The following ANO6 variants were observed in gnomAD, a reference collection of about 807,000 sequenced individuals.
ANO6 encodes anoctamin 6.
A neutral mutation model predicts 117.5 loss-of-function variants in ANO6; 106 were observed. The ratio of observed to expected loss-of-function variants is 0.90; its 90% CI spans 0.77 to 1.06. The LOEUF (loss-of-function observed/expected upper bound fraction) is 1.06. Among genes scored for constraint, ANO6 ranks in the 50% least tolerant of loss-of-function variants. The pLI is 0.00. For synonymous variants in ANO6, 367 were observed against 385.1 expected (o/e 0.95, Z 0.55); for missense variants, 955 against 1,121.1 (o/e 0.85, Z 2.12).
chr12:45,394,053 A>G (rs1399073107), intron 12 of ANO6, among the ~76,000 whole-genome samples: 4 of 152,234 alleles, frequency 2.6e-5, no homozygotes, highest in Non-Finnish European at 5.9e-5. Flanking sequence ...AGACTGGCAG[A>G]TTGGATAAAG....
At chr12:45,426,574 A>C (rs1311124450) in intron 19 of ANO6, among the ~76,000 whole-genome samples, 3 of 151,670 alleles carry the variant, frequency 2.0e-5, no homozygotes, top group Admixed American at 6.6e-5. Context: ...CCCTCCCCTC[A>C]CCTGACTTAG....
intron 15 of ANO6, among the ~76,000 whole-genome samples, chr12:45,404,140 G>A (rs923380108): frequency 6.6e-6 from 1 of 152,060 alleles, no homozygotes; most frequent in Admixed American, 6.6e-5. Context: ...TAAGAATAGA[G>A]GTTCTTTCAT....
chr12:45,231,279 TTACTGATATAAAAAATGAAA>T (rs2137140965), intron 1 of ANO6, among the ~76,000 whole-genome samples: 1 of 152,336 alleles, frequency 6.6e-6, no homozygotes, highest in East Asian at 1.9e-4. Flanking sequence ...CATTTCAAAT[TTACTGATATAAAAAATGAAA>T]TACTCTCTAT....
chr12:45,239,507 AT>A (rs140604714), intron 1 of ANO6, among the ~76,000 whole-genome samples: 139,765 of 148,638 alleles, frequency 0.94, 65,892 homozygotes, highest in Non-Finnish European at 0.99. Context: ...GGATTCATTG[AT>A]TTTTTTTTTT....
intron 18 of ANO6, among the ~76,000 whole-genome samples, chr12:45,421,816 G>T (rs567076301): frequency 1.3e-5 from 2 of 152,286 alleles, no homozygotes; most frequent in South Asian, 4.1e-4. Flanking sequence ...TCTCTGCATC[G>T]ATTTTAATGG....
chr12:45,326,924 T>C (rs1336094283), intron 2 of ANO6, among the ~76,000 whole-genome samples: 1 of 152,154 alleles, frequency 6.6e-6, no homozygotes, highest in African/African-American at 2.4e-5. Context: ...TCAGGTTGAG[T>C]GCTTACCTTT....
intron 10 of ANO6, among the ~76,000 whole-genome samples, chr12:45,385,343 G>A (rs1175294217): frequency 6.6e-6 from 1 of 152,186 alleles, no homozygotes; most frequent in Admixed American, 6.5e-5. Flanking sequence ...TACAGAGTGG[G>A]AGACAGAGCT....
intron 1 of ANO6, among the ~76,000 whole-genome samples, chr12:45,246,761 T>TC (rs1565643332): frequency 8.9e-6 from 1 of 112,042 alleles, no homozygotes; most frequent in Non-Finnish European, 1.7e-5. Flanking sequence ...CCACCCTACT[T>TC]TTTTTTTTTT....
intron 16 of ANO6, among the ~76,000 whole-genome samples, chr12:45,410,632 GT>G (rs140395696): frequency 0.03 from 4,520 of 151,888 alleles, 103 homozygotes; most frequent in East Asian, 0.097. Context: ...TTCAATTACA[GT>G]TTTTTTTAAG....
At chr12:45,398,297 C>G (rs1474733577) in intron 12 of ANO6, among the ~76,000 whole-genome samples, 3 of 152,038 alleles carry the variant, frequency 2.0e-5, no homozygotes, top group African/African-American at 4.8e-5. Flanking sequence ...TACAAAATGC[C>G]AAATCTCAAT....
At chr12:45,267,532 A>G (rs773463878) in intron 1 of ANO6, among the ~76,000 whole-genome samples, 8 of 151,956 alleles carry the variant, frequency 5.3e-5, no homozygotes, top group Non-Finnish European at 1.0e-4. Flanking sequence ...GCTCACGCCT[A>G]TAATCCCAGC....
At chr12:45,298,860 A>C (rs1234339935) in intron 1 of ANO6, among the ~76,000 whole-genome samples, 1 of 152,150 alleles carries the variant, frequency 6.6e-6, no homozygotes, top group Non-Finnish European at 1.5e-5. Flanking sequence ...ATTTAGAAAA[A>C]AGAAAAAAAT....
Position 45,422,677 on chromosome 12 carries a change from C to G in ANO6, c.2421-280C>G, listed in dbSNP as rs545378897. Among the ~76,000 whole-genome samples, 7 of 151,834 alleles carry G rather than the reference C, an allele frequency of 4.6e-5. No homozygotes were observed. The East Asian group carries it at 1.4e-3, about 30-fold the overall frequency. ...GCAACCTTCACCTCTCGGGTTCAAG[C>G]AATTCTCATGCCTCAGCCACCAAAT... On this transcript the variant is annotated intron_variant, in intron 18 of 19. Transcript: ENST00000320560.
In ANO6 at chr12:45,431,099, T is replaced by C. The variant is rs373461478; in HGVS notation, c.*1788T>C. 2.3e-5 allele frequency: 23 copies of C among 985,324 alleles called. 1 individual carries two copies. The Admixed American group carries it at 6.2e-4, about 26-fold the overall frequency. The allele number at this position is 985,324 out of a possible 1,614,324, so 61.0% of individuals were successfully genotyped here. A position where few individuals can be genotyped will look rare whatever the true frequency, so the allele number is the denominator to read the frequency against. ...AAAGCAGTATTGTAGGCTTTTGAATTGTCCCAGTGGATCCGGGACCCCATT... is the reference window on the plus strand; with the variant it reads ...AAAGCAGTATTGTAGGCTTTTGAATCGTCCCAGTGGATCCGGGACCCCATT... On this transcript the variant is annotated 3_prime_UTR_variant, in exon 20 of 20. Transcript: ENST00000320560.
chr12:45,361,982 C>T (rs1941567454), intron 8 of ANO6, among the ~76,000 whole-genome samples: 1 of 152,050 alleles, frequency 6.6e-6, no homozygotes, highest in African/African-American at 2.4e-5. Flanking sequence ...GTTTTGGTAT[C>T]AGCATAATAC....
chr12:45,216,118 G>C lies in ANO6; in HGVS notation c.-204G>C. 3.4e-6 allele frequency: 2 copies of C among 587,830 alleles called. No individual in the cohort carries two copies. Among genetic ancestry groups the C allele is most frequent in the Non-Finnish European group, 6.0e-6 (2 of 334,470 alleles). The allele number at this position is 587,830 out of a possible 1,614,324, so 36.4% of individuals were successfully genotyped here. On this transcript the variant is annotated 5_prime_UTR_variant, in exon 1 of 20. Transcript: ENST00000320560. Reference sequence around the variant, plus strand: ...TCAGTCTCCGGGCTCCGCTCGGCAGGCGAGAGGCGTCCTCCGGCTCTGGGC... The same window carrying C: ...TCAGTCTCCGGGCTCCGCTCGGCAGCCGAGAGGCGTCCTCCGGCTCTGGGC...
chr12:45,323,816 T>C (rs145245172), intron 2 of ANO6, among the ~76,000 whole-genome samples: 1 of 151,554 alleles, frequency 6.6e-6, no homozygotes, highest in East Asian at 2.0e-4. Flanking sequence ...TAAATAATAA[T>C]AGCTTATGTT....
chr12:45,294,029 T>C (rs1437668178), intron 1 of ANO6, among the ~76,000 whole-genome samples: 6 of 151,964 alleles, frequency 3.9e-5, no homozygotes, highest in Non-Finnish European at 1.5e-5. Flanking sequence ...AGCAGTGACA[T>C]TGAAAGAAAA....
intron 12 of ANO6, among the ~76,000 whole-genome samples, chr12:45,392,340 C>T (rs934869593): frequency 2.6e-5 from 4 of 152,220 alleles, no homozygotes; most frequent in Non-Finnish European, 4.4e-5. Context: ...GTAAACAAAG[C>T]GGCCAGGAAG....
Sources: gnomAD v4.1 joint callset for allele counts (sites outside exome capture counted in the v4.1 genomes callset) on GRCh38, gnomAD v4.1.1 for gene constraint, MANE v1.5 for transcripts, NCBI Gene and HGNC (gene_info 2026-07-23, HGNC 2026-07-21) for gene names.